PDIA4: variants seen among roughly 807,000 people sequenced by gnomAD.
The protein encoded by PDIA4 is protein disulfide-isomerase A4.
PDIA4 carries 33 observed loss-of-function variants against 62.1 expected under a neutral mutation model. The ratio of observed to expected loss-of-function variants is 0.53; its 90% CI spans 0.40 to 0.71. The LOEUF is 0.71. Among genes scored for constraint, PDIA4 ranks in the 30% least tolerant of loss-of-function variants. The probability of loss-of-function intolerance (pLI) is 0.00; values close to 1 mark genes in which losing one functional copy is unlikely to be tolerated. For synonymous variants in PDIA4, 341 were observed against 324.1 expected, an observed-to-expected ratio of 1.05 and a Z score of -0.56; for missense variants, 804 against 813.6, an observed-to-expected ratio of 0.99 and a Z score of 0.14.
intron 1 of PDIA4, among the ~76,000 whole-genome samples, chr7:149,027,183 A>G (rs1488804180): frequency 2.6e-5 from 4 of 152,220 alleles, no homozygotes; most frequent in Non-Finnish European, 4.4e-5. Flanking sequence ...ATTCTGCTTC[A>G]GTGTATTTTG....
chr7:149,011,268 T>C (rs1431784510), intron 6 of PDIA4, among the ~76,000 whole-genome samples: 4 of 152,162 alleles, frequency 2.6e-5, no homozygotes, highest in African/African-American at 4.8e-5. Context: ...AGGCAGACGA[T>C]GGATTTCAGG....
At chr7:149,008,391 A>T in intron 6 of PDIA4, 81 bp from the exon 7 acceptor site, 1 of 1,446,214 alleles carries the variant, frequency 6.9e-7, no homozygotes, top group Non-Finnish European at 9.6e-7. Context: ...CATCAGCCAA[A>T]GCAAATGTTC....
chr7:149,006,247 C>T, intron 7 of PDIA4, 194 bp from the exon 8 acceptor site: 1 of 534,832 alleles, frequency 1.9e-6, no homozygotes, highest in Non-Finnish European at 3.2e-6. Context: ...CCTTTCCCTC[C>T]AGTGAACCGT....
intron 4 of PDIA4, 35 bp downstream of exon 4, chr7:149,014,869 G>T (rs1824075390): frequency 1.9e-6 from 3 of 1,609,162 alleles, no homozygotes; most frequent in East Asian, 4.5e-5. Flanking sequence ...GCCCACCAGG[G>T]TACTGAATAT....
chr7:149,010,360 G>A (rs980415034), intron 6 of PDIA4, among the ~76,000 whole-genome samples: 1 of 152,150 alleles, frequency 6.6e-6, no homozygotes, highest in African/African-American at 2.4e-5. Context: ...GGATGTGGTG[G>A]CGCTCACCTG....
At chr7:149,028,091 A>C in intron 1 of PDIA4, 1 of 610,404 alleles carries the variant, frequency 1.6e-6, no homozygotes, top group Non-Finnish European at 3.0e-6. Flanking sequence ...GGAGCCCAAG[A>C]GACCCCGGCC....
intron 7 of PDIA4, chr7:149,006,277 G>A: frequency 4.1e-6 from 2 of 489,546 alleles, no homozygotes; most frequent in Non-Finnish European, 7.1e-6. Flanking sequence ...CTTGGGAAAA[G>A]GCAAACACCT....
chr7:149,010,574 T>C (rs892688123), intron 6 of PDIA4, among the ~76,000 whole-genome samples: 1 of 152,148 alleles, frequency 6.6e-6, no homozygotes, highest in African/African-American at 2.4e-5. Context: ...TGTAGTCAGT[T>C]GGCTTCAGGC....
intron 6 of PDIA4, 88 bp from the exon 7 acceptor site, chr7:149,008,398 G>A (rs10272564): frequency 0.21 from 291,392 of 1,399,298 alleles, 34,641 homozygotes; most frequent in African/African-American, 0.49. Context: ...CAAAGCAAAT[G>A]TTCTGAAAAT....
In PDIA4 at chr7:149,008,165, G is replaced by T; in HGVS notation, c.1125C>A (p.Asp375Glu). 2.5e-6 allele frequency: 4 copies of T among 1,613,516 alleles called. No homozygotes were observed. The highest frequency in any genetic ancestry group is 2.5e-6 in the Non-Finnish European group (3 of 1,179,762). The change falls in exon 7 of 10, where the codon GAC becomes GAA. Residue 375 changes from aspartate to glutamate, a missense_variant. Asp to Glu is a conservative substitution (Grantham distance 45). Transcript: ENST00000652332. ...GGCAGAGGGGCCCGCTTACCTGGAC[G>T]TCCATCATGTGGCTCCGGGGCTCAT... ...SKYEPRSHMM[D>E]VQGSTQDSAI... is the part of the protein sequence containing the mutation.
intron 1 of PDIA4, among the ~76,000 whole-genome samples, chr7:149,024,936 C>A (rs1454215371): frequency 6.6e-6 from 1 of 150,600 alleles, no homozygotes; most frequent in Non-Finnish European, 1.5e-5. Flanking sequence ...ACCAGCCTGA[C>A]CAACATGGAG....
chr7:149,028,449 G>C lies in PDIA4; in HGVS notation c.-41C>G. 7.3e-7 allele frequency: 1 copy of C among 1,362,934 alleles called. No individual in the cohort carries two copies. Among genetic ancestry groups the C allele is most frequent in the South Asian group, 1.4e-5 (1 of 71,784 alleles). 84.4% of individuals were successfully genotyped at this position (1,362,934 alleles called of 1,614,324 possible). A position where few individuals can be genotyped will look rare whatever the true frequency, so the allele number is the denominator to read the frequency against. On this transcript the variant is annotated 5_prime_UTR_variant, in exon 1 of 10. Transcript: ENST00000652332. ...GCGCGGCCTCCTAGCGTCGGCGGCC[G>C]CTGAGCGCACCGAGAACTCGGGGTC...
chr7:149,005,487 T>C (rs1043709974), intron 8 of PDIA4, 113 bp from the exon 9 acceptor site: 5 of 694,308 alleles, frequency 7.2e-6, no homozygotes, highest in South Asian at 6.9e-5. Flanking sequence ...GCTCAAACCC[T>C]GGATTTACCT....
At chr7:149,022,602 T>C (rs943430597) in intron 1 of PDIA4, among the ~76,000 whole-genome samples, 2 of 152,100 alleles carry the variant, frequency 1.3e-5, no homozygotes, top group African/African-American at 4.8e-5. Context: ...TGAACGCTGC[T>C]AGTTACTGTT....
At chr7:149,019,295 C>A in intron 2 of PDIA4, 98 bp from the exon 3 acceptor site, 1 of 851,556 alleles carries the variant, frequency 1.2e-6, no homozygotes, top group Non-Finnish European at 2.0e-6. Context: ...TGTGGTTTGT[C>A]CACACCAAAA....
chr7:149,022,508 GC>G (rs752735267), intron 1 of PDIA4, among the ~76,000 whole-genome samples: 54 of 152,282 alleles, frequency 3.5e-4, no homozygotes, highest in South Asian at 4.1e-4. Context: ...GGCACAGCAA[GC>G]ACGGCAATTT....
Position 149,003,946 on chromosome 7 carries a change from T to C in PDIA4, c.1786A>G (p.Lys596Glu). The C allele has an allele frequency of 6.2e-7, 1 of 1,613,768 alleles. No individual in the cohort carries two copies. Among genetic ancestry groups the C allele is most frequent in the Non-Finnish European group, 8.5e-7 (1 of 1,179,726 alleles). Residue 596 changes from lysine (K) to glutamate (E), a missense_variant, in exon 10 of 10, where the codon AAG becomes GAG. Transcript: ENST00000652332. ...TAGATGGTGGGGAAGCCCTCCACCT[T>C]ATAGCGGTCGCTGGGGACGTCGTTG... ...TANDVPSDRY[K>E]VEGFPTIYFA...
intron 7 of PDIA4, among the ~76,000 whole-genome samples, chr7:149,006,928 T>G (rs1024997246): frequency 6.6e-6 from 1 of 152,142 alleles, no homozygotes; most frequent in African/African-American, 2.4e-5. Context: ...GCATAGATCT[T>G]GAAGCGTCTA....
intron 1 of PDIA4, among the ~76,000 whole-genome samples, chr7:149,024,698 C>A (rs1824478191): frequency 1.3e-5 from 2 of 151,678 alleles, no homozygotes; most frequent in Admixed American, 6.6e-5. Flanking sequence ...CACCTGTAAT[C>A]CCAGCCACTC....
Sources: gnomAD v4.1 joint callset for allele counts (sites outside exome capture counted in the v4.1 genomes callset) on GRCh38, gnomAD v4.1.1 for gene constraint, MANE v1.5 for transcripts, NCBI Gene and HGNC (gene_info 2026-07-23, HGNC 2026-07-21) for gene names.